The following TNIK variants were observed in gnomAD, a reference collection of about 807,000 sequenced individuals.
TNIK encodes TRAF2 and NCK-interacting protein kinase.
Under a neutral mutation model 191.3 loss-of-function variants are expected in TNIK, and 49 were observed. The ratio of observed to expected loss-of-function variants is 0.26; its 90% CI spans 0.20 to 0.32. TNIK has a LOEUF of 0.32. Among genes scored for constraint, TNIK ranks in the 10% least tolerant of loss-of-function variants. The probability of loss-of-function intolerance (pLI) is 1.00; values close to 1 mark genes in which losing one functional copy is unlikely to be tolerated. For synonymous variants in TNIK, 594 were observed against 600.9 expected (o/e 0.99, Z 0.17); for missense variants, 1,155 against 1,702.3 (o/e 0.68, Z 5.66).
intron 2 of TNIK, among the ~76,000 whole-genome samples, chr3:171,290,615 C>A (rs1472843007): frequency 6.6e-6 from 1 of 152,088 alleles, no homozygotes; most frequent in African/African-American, 2.4e-5. Context: ...TACTTTTAAG[C>A]CTCCCACAGT....
intron 3 of TNIK, chr3:171,225,757 G>A (rs1221599958): frequency 5.2e-6 from 2 of 383,884 alleles, no homozygotes; most frequent in Non-Finnish European, 1.0e-5. Flanking sequence ...GCTTTAAATT[G>A]TTCAGAGTCA....
intron 2 of TNIK, among the ~76,000 whole-genome samples, chr3:171,331,193 A>G (rs942048588): frequency 6.6e-6 from 1 of 152,284 alleles, no homozygotes; most frequent in Non-Finnish European, 1.5e-5. Context: ...TTCTGAGTGA[A>G]GAAAGGGGCC....
At chr3:171,133,355 T>G (rs1729574050) in intron 15 of TNIK, among the ~76,000 whole-genome samples, 1 of 152,220 alleles carries the variant, frequency 6.6e-6, no homozygotes, top group Non-Finnish European at 1.5e-5. Context: ...GCGACGCCAG[T>G]GAATTGGTCA....
At chr3:171,218,527 GT>G (rs143053587) in intron 3 of TNIK, among the ~76,000 whole-genome samples, 1,965 of 138,686 alleles carry the variant, frequency 0.014, 42 homozygotes, top group African/African-American at 0.048. Context: ...ATTGGAATGA[GT>G]TTTTTTTTTT....
intron 1 of TNIK, among the ~76,000 whole-genome samples, chr3:171,459,454 A>AG (rs1351779289): frequency 2.0e-5 from 3 of 152,080 alleles, no homozygotes; most frequent in African/African-American, 7.2e-5. Flanking sequence ...GAGGTAGAAA[A>AG]GGGGGAGGGG....
intron 2 of TNIK, among the ~76,000 whole-genome samples, chr3:171,274,562 C>T (rs1199150986): frequency 6.6e-6 from 1 of 152,134 alleles, no homozygotes; most frequent in African/African-American, 2.4e-5. Flanking sequence ...AAATATGGTC[C>T]TAGCAGCCTG....
In TNIK at chr3:171,447,307, GA is replaced by G. The variant is rs10649565; in HGVS notation, c.57+12699del. Among the ~76,000 whole-genome samples, 1,057 of 140,866 alleles carry G rather than the reference GA, an allele frequency of 7.5e-3. 13 individuals are homozygous for G. Among genetic ancestry groups the G allele is most frequent in the African/African-American group, 0.021 (845 of 39,488 alleles). 92.4% of individuals were successfully genotyped at this position (140,866 alleles called of 152,430 possible). A position where few individuals can be genotyped will look rare whatever the true frequency, so the allele number is the denominator to read the frequency against. ...ATTAGGTTTTTAAGGTTTTAGGCAA[GA>G]AAAAAAAAAAAACACGTTATAATCT... On this transcript the variant is annotated intron_variant, in intron 1 of 32. Coordinates refer to ENST00000436636, the MANE Select transcript of TNIK (RefSeq NM_015028.4).
At chr3:171,374,128 CA>C (rs1046218771) in intron 1 of TNIK, among the ~76,000 whole-genome samples, 1 of 152,238 alleles carries the variant, frequency 6.6e-6, no homozygotes, top group East Asian at 1.9e-4. Flanking sequence ...GTGCAAATCA[CA>C]AAAAATGGGA....
At position 171,289,688 on chromosome 3, in the gene TNIK, G is replaced by A. The variant is rs150983964; in HGVS notation, c.124-61467C>T. On this transcript the variant is annotated intron_variant, in intron 2 of 32. Transcript: ENST00000436636. ...AGGCTGAGGCAGGCAGATCACTTGA[G>A]GCCAGGAGTTTGAGACCAGCCTGGC... 6.5e-3 allele frequency among the ~76,000 whole-genome samples: 996 copies of A among 152,114 alleles called. 9 individuals carry two copies. The highest frequency in any genetic ancestry group is 0.023 in the African/African-American group (948 of 41,478).
intron 8 of TNIK, among the ~76,000 whole-genome samples, chr3:171,175,987 T>C (rs923729858): frequency 7.2e-5 from 11 of 152,252 alleles, no homozygotes; most frequent in African/African-American, 2.7e-4. Flanking sequence ...GATCTCATCT[T>C]GTAAACATGA....
chr3:171,347,197 C>A (rs953876961), intron 2 of TNIK: 1 of 1,528,892 alleles, frequency 6.5e-7, no homozygotes, highest in African/African-American at 1.4e-5. Flanking sequence ...GTGATAATGC[C>A]CTTCACTCAC....
At position 171,291,551 on chromosome 3, in the gene TNIK, T is replaced by G. The variant is rs1331838949; in HGVS notation, c.124-63330A>C. Reference sequence around the variant, plus strand: ...TGCATTCCCCCAAACCTTCTAGAACTTTAAAGATACTGTTAAACTCTCTGC... The same window carrying G: ...TGCATTCCCCCAAACCTTCTAGAACGTTAAAGATACTGTTAAACTCTCTGC... On this transcript the variant is annotated intron_variant, in intron 2 of 32. Coordinates refer to ENST00000436636, the MANE Select transcript of TNIK (RefSeq NM_015028.4). 2.0e-5 allele frequency among the ~76,000 whole-genome samples: 3 copies of G among 152,344 alleles called. No individual in the cohort carries two copies. The East Asian group carries it at 5.8e-4, about 29-fold the overall frequency.
At chr3:171,258,948 C>T (rs34876379) in intron 2 of TNIK, among the ~76,000 whole-genome samples, 2,424 of 152,230 alleles carry the variant, frequency 0.016, 38 homozygotes, top group Middle Eastern at 0.034. Context: ...TGTGCGCGCA[C>T]ACACACGCAA....
intron 2 of TNIK, among the ~76,000 whole-genome samples, chr3:171,260,956 T>C (rs1479738552): frequency 2.0e-5 from 3 of 152,232 alleles, no homozygotes; most frequent in Admixed American, 6.5e-5. Flanking sequence ...CTAAAGTTTC[T>C]CTTATATAAA....
intron 10 of TNIK, among the ~76,000 whole-genome samples, chr3:171,165,374 G>C (rs1453188567): frequency 7.0e-6 from 1 of 142,874 alleles, no homozygotes. Flanking sequence ...TTGAGCCCAG[G>C]AGTTTGAGAC....
Position 171,299,907 on chromosome 3 carries a change from C to T in TNIK, c.123+69713G>A, listed in dbSNP as rs144939998. On this transcript the variant is annotated intron_variant, in intron 2 of 32. Coordinates refer to ENST00000436636, the MANE Select transcript of TNIK (RefSeq NM_015028.4). ...AGACAATTTATGGCATTTCATACTTCTGCTATTCCAGGGAACCAGAAACAC... is the reference window on the plus strand; with the variant it reads ...AGACAATTTATGGCATTTCATACTTTTGCTATTCCAGGGAACCAGAAACAC... Among the ~76,000 whole-genome samples the T allele has an allele frequency of 1.8e-3, 268 of 152,304 alleles. 3 individuals carry two copies. The highest frequency in any genetic ancestry group is 6.1e-3 in the African/African-American group (255 of 41,580).
At chr3:171,405,069 C>T (rs930037409) in intron 1 of TNIK, among the ~76,000 whole-genome samples, 1 of 152,136 alleles carries the variant, frequency 6.6e-6, no homozygotes, top group African/African-American at 2.4e-5. Context: ...AATAGTTCTT[C>T]TAGGTAGATA....
At chr3:171,094,860 T>A (rs916978037) in intron 22 of TNIK, among the ~76,000 whole-genome samples, 2 of 152,198 alleles carry the variant, frequency 1.3e-5, no homozygotes, top group African/African-American at 4.8e-5. Context: ...GAATTCTCCC[T>A]TTCTCCTTCC....
intron 2 of TNIK, among the ~76,000 whole-genome samples, chr3:171,247,577 G>C: frequency 6.6e-6 from 1 of 152,204 alleles, no homozygotes; most frequent in Non-Finnish European, 1.5e-5. Context: ...CATTAGTCCA[G>C]TGGAGAAGAC....
Sources: gnomAD v4.1 joint callset for allele counts (sites outside exome capture counted in the v4.1 genomes callset) on GRCh38, gnomAD v4.1.1 for gene constraint, MANE v1.5 for transcripts, NCBI Gene and HGNC (gene_info 2026-07-23, HGNC 2026-07-21) for gene names.